CLUL1: variants seen among roughly 807,000 people sequenced by gnomAD.
CLUL1 encodes the protein clusterin-like protein 1.
Under a neutral mutation model 49.4 loss-of-function variants are expected in CLUL1, and 43 were observed. The ratio of observed to expected loss-of-function variants is 0.87; its 90% CI spans 0.68 to 1.12. The LOEUF (loss-of-function observed/expected upper bound fraction) is 1.12, where lower values mean the gene tolerates loss of function less well. Ranked by LOEUF, CLUL1 falls within the 50% of genes most tolerant of loss-of-function variation. CLUL1 has a pLI of 0.00. For missense variants in CLUL1, 486 were observed against 544.4 expected, an observed-to-expected ratio of 0.89 and a Z score of 1.07; for synonymous variants, 192 against 184.9, an observed-to-expected ratio of 1.04 and a Z score of -0.31.
chr18:644,834 C>T (rs2074427142), intron 8 of CLUL1, 76 bp from the exon 9 acceptor site: 1 of 1,158,930 alleles, frequency 8.6e-7, no homozygotes, highest in Non-Finnish European at 1.2e-6. Context: ...CCTATCCTGA[C>T]TAAGGTGGTA....
chr18:610,861 A>G (rs1567956962), intron 2 of CLUL1, among the ~76,000 whole-genome samples: 1 of 152,030 alleles, frequency 6.6e-6, no homozygotes, highest in Non-Finnish European at 1.5e-5. Flanking sequence ...ACATGGTGAG[A>G]CCTTGCCTCT....
At chr18:599,985 G>A (rs1016276112) in intron 1 of CLUL1, among the ~76,000 whole-genome samples, 1 of 151,834 alleles carries the variant, frequency 6.6e-6, no homozygotes, top group African/African-American at 2.4e-5. Context: ...TAAACCCGAA[G>A]TATGAACTGA....
chr18:605,285 A>T (rs1314803087), intron 1 of CLUL1, among the ~76,000 whole-genome samples: 1 of 152,206 alleles, frequency 6.6e-6, no homozygotes, highest in Admixed American at 6.5e-5. Flanking sequence ...TTTTTAAATT[A>T]CTTTTAATTT....
chr18:625,755 G>A (rs1010734617), intron 5 of CLUL1, among the ~76,000 whole-genome samples: 14 of 152,176 alleles, frequency 9.2e-5, no homozygotes, highest in Non-Finnish European at 1.8e-4. Context: ...ACAAAATTGA[G>A]TGGAATTTCA....
At chr18:639,647 C>A (rs544475260) in intron 7 of CLUL1, among the ~76,000 whole-genome samples, 1 of 151,930 alleles carries the variant, frequency 6.6e-6, no homozygotes, top group South Asian at 2.1e-4. Context: ...CGCCTGTAGT[C>A]CCAGCTACTC....
chr18:638,773 G>A (rs754886032), intron 7 of CLUL1, among the ~76,000 whole-genome samples: 3 of 151,822 alleles, frequency 2.0e-5, no homozygotes, highest in Non-Finnish European at 2.9e-5. Flanking sequence ...CAGGAGAATC[G>A]CTTGAAACCA....
At chr18:613,695 G>T (rs1316470368) in intron 2 of CLUL1, among the ~76,000 whole-genome samples, 1 of 148,976 alleles carries the variant, frequency 6.7e-6, no homozygotes, top group Non-Finnish European at 1.5e-5. Context: ...CCCAAGTGAT[G>T]TGTCTGCCTC....
At chr18:605,845 T>G (rs1325293497) in intron 1 of CLUL1, among the ~76,000 whole-genome samples, 1 of 151,856 alleles carries the variant, frequency 6.6e-6, no homozygotes, top group African/African-American at 2.4e-5. Flanking sequence ...TCCAGATAAT[T>G]TTGTATTTTT....
intron 9 of CLUL1, among the ~76,000 whole-genome samples, chr18:646,317 C>T (rs1268709852): frequency 6.6e-6 from 1 of 150,824 alleles, no homozygotes; most frequent in Admixed American, 6.6e-5. Context: ...TCTCCCTTTA[C>T]TTCTGAATTT....
In CLUL1 at chr18:618,910, A is replaced by G. The variant is rs562970434; in HGVS notation, c.107-303A>G. Among the ~76,000 whole-genome samples the G allele has an allele frequency of 1.3e-5, 2 of 152,220 alleles. No homozygotes were observed. Among genetic ancestry groups the G allele is most frequent in the South Asian group, 2.1e-4 (1 of 4,816 alleles). On this transcript the variant is annotated intron_variant, in intron 3 of 9. Coordinates refer to ENST00000692774, the MANE Select transcript of CLUL1 (RefSeq NM_001393344.1). This position sits in a 1 kb window ranked among gnomAD's most constrained non-coding sequence, Gnocchi z 4.2. ...GCAAAATTTTCTCTAATATAAACACACTTGAGTCTTAAATGAAAGAAAAAA... is the reference window on the plus strand; with the variant it reads ...GCAAAATTTTCTCTAATATAAACACGCTTGAGTCTTAAATGAAAGAAAAAA...
intron 1 of CLUL1, among the ~76,000 whole-genome samples, chr18:602,986 A>G (rs1170324064): frequency 6.6e-6 from 1 of 152,160 alleles, no homozygotes; most frequent in Non-Finnish European, 1.5e-5. Context: ...AAGCATTTGG[A>G]TTTTATTCTG....
rs770618031 is a variant in CLUL1, at chr18:617,421, T to TC, written c.-13-565dup. ...ACCAGCCTGACCCACATGGAGAAACTCCATCTCTACTAAAAATACAAAATT... is the reference window on the plus strand; with the variant it reads ...ACCAGCCTGACCCACATGGAGAAACTCCCATCTCTACTAAAAATACAAAATT... On this transcript the variant is annotated intron_variant, in intron 2 of 9. Coordinates refer to ENST00000692774, the MANE Select transcript of CLUL1 (RefSeq NM_001393344.1). Among the ~76,000 whole-genome samples, 12 of 151,822 alleles carry TC rather than the reference T, an allele frequency of 7.9e-5. No homozygotes were observed. The East Asian group carries it at 2.3e-3, about 30-fold the overall frequency.
chr18:616,578 A>G (rs1047021906), intron 2 of CLUL1: 26 of 232,588 alleles, frequency 1.1e-4, no homozygotes, highest in Middle Eastern at 2.3e-3. Context: ...TTTCTTCTGA[A>G]CAGTACCAAA....
At chr18:633,607 T>G (rs2074048716) in intron 7 of CLUL1, among the ~76,000 whole-genome samples, 172 bp downstream of exon 7, 1 of 152,204 alleles carries the variant, frequency 6.6e-6, no homozygotes, top group African/African-American at 2.4e-5. Flanking sequence ...GGAGCAATGG[T>G]GAGCGTGCAC....
intron 7 of CLUL1, among the ~76,000 whole-genome samples, 193 bp from the exon 8 acceptor site, chr18:641,130 TTAAC>T (rs1270370323): frequency 6.6e-6 from 1 of 152,194 alleles, no homozygotes; most frequent in African/African-American, 2.4e-5. Context: ...AACCATATAA[TTAAC>T]AGTTAAACTG....
intron 2 of CLUL1, among the ~76,000 whole-genome samples, chr18:610,068 G>A (rs1411574939): frequency 1.4e-5 from 2 of 138,576 alleles, no homozygotes; most frequent in Admixed American, 7.1e-5. Flanking sequence ...GGGATAGAAC[G>A]ATTCATTCCT....
At chr18:624,347 A>G (rs982266926) in intron 4 of CLUL1, among the ~76,000 whole-genome samples, 1 of 152,166 alleles carries the variant, frequency 6.6e-6, no homozygotes, top group Non-Finnish European at 1.5e-5. Flanking sequence ...ATTACAATGT[A>G]ACTCAACGGG....
At chr18:625,513 T>C (rs2073656148) in intron 5 of CLUL1, among the ~76,000 whole-genome samples, 2 of 113,878 alleles carry the variant, frequency 1.8e-5, no homozygotes, top group South Asian at 6.8e-4. Context: ...TGCCTCCTTA[T>C]GCATAACACA....
At position 633,346 on chromosome 18, in the gene CLUL1, G is replaced by A. The variant is rs114382609; in HGVS notation, c.905G>A (p.Arg302Lys). 3.1e-6 allele frequency: 5 copies of A among 1,613,936 alleles called. No individual in the cohort carries two copies. In the South Asian group the frequency reaches 5.5e-5, roughly 18 times the overall value. Residue 302 changes from arginine (R) to lysine (K), a missense_variant, in exon 7 of 10, where the codon AGA becomes AAA. By Grantham distance (26) the Arg-to-Lys change is conservative. Coordinates refer to ENST00000692774, the MANE Select transcript of CLUL1 (RefSeq NM_001393344.1). ...TCAAAGATGTTACCTGGGCAGGACAGAGGACTGTGTGGGGAACTTGACCAG... is the reference window on the plus strand; with the variant it reads ...TCAAAGATGTTACCTGGGCAGGACAAAGGACTGTGTGGGGAACTTGACCAG... ...LISKMLPGQDRGLCGELDQNL... is the reference protein window; with the variant it reads ...LISKMLPGQDKGLCGELDQNL...
Sources: allele counts gnomAD v4.1 joint callset (sites outside exome capture counted in the v4.1 genomes callset), GRCh38; gene constraint gnomAD v4.1.1; non-coding constraint Gnocchi (gnomAD v3.1); transcripts MANE v1.5; gene names NCBI Gene and HGNC (gene_info 2026-07-23, HGNC 2026-07-21).